Variants in FRAS1 observed in about 807,000 individuals in gnomAD.
The protein encoded by FRAS1 is Fraser extracellular matrix complex subunit 1.
FRAS1 carries 290 observed loss-of-function variants against 435.2 expected under a neutral mutation model. The observed-to-expected ratio is 0.67, with a 90% CI of 0.61 to 0.73. FRAS1 has a LOEUF of 0.73. FRAS1 is among the 30% of genes least tolerant of loss of function. The pLI, the probability that FRAS1 is intolerant of heterozygous loss-of-function variation, is 0.00. For synonymous variants in FRAS1, 1,800 were observed against 1,851.0 expected, an observed-to-expected ratio of 0.97 and a Z score of 0.71; for missense variants, 4,860 against 5,001.5, an observed-to-expected ratio of 0.97 and a Z score of 0.85.
intron 14 of FRAS1, among the ~76,000 whole-genome samples, chr4:78,295,172 T>G (rs1424002181): frequency 1.3e-5 from 2 of 152,256 alleles, no homozygotes; most frequent in Non-Finnish European, 2.9e-5. Flanking sequence ...TTGATATTTG[T>G]TCCCAATTTT....
intron 19 of FRAS1, 26 bp downstream of exon 19, chr4:78,333,438 A>G (rs1730024753): frequency 6.2e-7 from 1 of 1,602,466 alleles, no homozygotes; most frequent in Admixed American, 1.7e-5. Flanking sequence ...GCTGAGGCAC[A>G]TTGCCTATGA....
chr4:78,290,056 GGT>G (rs1354550411), intron 14 of FRAS1, among the ~76,000 whole-genome samples: 32 of 152,216 alleles, frequency 2.1e-4, no homozygotes, highest in African/African-American at 7.2e-4. Context: ...GTTCCACTCT[GGT>G]GGGACCACTG....
At chr4:78,446,930 G>A in intron 43 of FRAS1, 50 bp downstream of exon 43, 1 of 1,522,444 alleles carries the variant, frequency 6.6e-7, no homozygotes, top group Non-Finnish European at 8.9e-7. Context: ...TGCCCGATGG[G>A]CTGTTAGAAT....
chr4:78,500,911 T>TA (rs1423823458), intron 61 of FRAS1, among the ~76,000 whole-genome samples: 2 of 152,164 alleles, frequency 1.3e-5, no homozygotes, highest in Admixed American at 6.5e-5. Flanking sequence ...AAAGGGGCTT[T>TA]AACTTCAATG....
chr4:78,468,106 G>T (rs1276694200), intron 50 of FRAS1, among the ~76,000 whole-genome samples: 1 of 152,032 alleles, frequency 6.6e-6, no homozygotes, highest in Non-Finnish European at 1.5e-5. Flanking sequence ...TTTTCACTTT[G>T]GTTTCCTGTG....
At chr4:78,185,941 C>T (rs546709629) in intron 2 of FRAS1, among the ~76,000 whole-genome samples, 8 of 152,290 alleles carry the variant, frequency 5.3e-5, no homozygotes, top group South Asian at 2.1e-4. Context: ...CTGACCCTTT[C>T]CTATAAACCT....
intron 27 of FRAS1, among the ~76,000 whole-genome samples, chr4:78,381,530 T>A (rs985673521): frequency 6.6e-6 from 1 of 152,208 alleles, no homozygotes; most frequent in Non-Finnish European, 1.5e-5. Flanking sequence ...CTGCAAGTGA[T>A]CTGCCTGCCT....
chr4:78,261,567 C>T (rs889607586), intron 6 of FRAS1, among the ~76,000 whole-genome samples: 2 of 152,154 alleles, frequency 1.3e-5, no homozygotes, highest in African/African-American at 4.8e-5. Context: ...TCAGATCTTT[C>T]CCTAAAGCAG....
intron 2 of FRAS1, among the ~76,000 whole-genome samples, chr4:78,199,069 A>C (rs10034389): frequency 0.045 from 6,777 of 152,230 alleles, 494 homozygotes; most frequent in African/African-American, 0.15. Context: ...TTCGAGGGTC[A>C]AATGTGTATT....
At chr4:78,308,302 CT>C in intron 15 of FRAS1, 93 bp downstream of exon 15, 2 of 1,296,058 alleles carry the variant, frequency 1.5e-6, no homozygotes, top group Non-Finnish European at 2.1e-6. Context: ...ACCAATGTTT[CT>C]TTTACTCAAC....
intron 2 of FRAS1, among the ~76,000 whole-genome samples, chr4:78,236,471 A>C (rs1340537406): frequency 6.6e-6 from 1 of 152,090 alleles, no homozygotes; most frequent in East Asian, 1.9e-4. Flanking sequence ...CATGGACAGC[A>C]CTCTTCAAAA....
At chr4:78,200,928 A>G (rs1378836179) in intron 2 of FRAS1, among the ~76,000 whole-genome samples, 1 of 140,092 alleles carries the variant, frequency 7.1e-6, no homozygotes, top group African/African-American at 3.0e-5. Context: ...TGTTAAATAT[A>G]TATATTTATC....
At chr4:78,270,526 G>GCCCCCGCCCCCCGCC in intron 9 of FRAS1, among the ~76,000 whole-genome samples, 1 of 143,130 alleles carries the variant, frequency 7.0e-6, no homozygotes, top group African/African-American at 2.7e-5. Context: ...TTCAATACCA[G>GCCCCCGCCCCCCGCC]CCACCGCCCC....
chr4:78,147,251 A>C (rs1720456906), intron 2 of FRAS1, among the ~76,000 whole-genome samples: 1 of 152,196 alleles, frequency 6.6e-6, no homozygotes. Context: ...ACACTCTCTC[A>C]GATTCCCACT....
intron 2 of FRAS1, among the ~76,000 whole-genome samples, chr4:78,081,187 A>G (rs1265746842): frequency 1.3e-5 from 2 of 152,130 alleles, no homozygotes; most frequent in Non-Finnish European, 2.9e-5. Flanking sequence ...GTTCCCTGAG[A>G]GAAAAGTCCC....
intron 2 of FRAS1, among the ~76,000 whole-genome samples, chr4:78,234,360 G>A (rs537920145): frequency 6.8e-4 from 103 of 151,950 alleles, no homozygotes; most frequent in Non-Finnish European, 1.2e-3. Flanking sequence ...CGAGTAGCTG[G>A]GACTACAGGC....
At chr4:78,086,953 T>G (rs1014527153) in intron 2 of FRAS1, among the ~76,000 whole-genome samples, 24 of 152,234 alleles carry the variant, frequency 1.6e-4, no homozygotes, top group African/African-American at 5.3e-4. Context: ...TACCAAAGCC[T>G]GGCAGAGACA....
chr4:78,140,214 T>C (rs1419220125), intron 2 of FRAS1, among the ~76,000 whole-genome samples: 1 of 152,170 alleles, frequency 6.6e-6, no homozygotes, highest in Non-Finnish European at 1.5e-5. Context: ...CTTAAAAATA[T>C]ACCCAAGAGA....
intron 45 of FRAS1, among the ~76,000 whole-genome samples, chr4:78,451,397 A>G (rs775779362): frequency 2.8e-4 from 42 of 152,226 alleles, no homozygotes; most frequent in Admixed American, 7.8e-4. Flanking sequence ...TGTGATTCCA[A>G]TATATAATAG....
Sources: allele counts gnomAD v4.1 joint callset (sites outside exome capture counted in the v4.1 genomes callset), GRCh38; gene constraint gnomAD v4.1.1; transcripts MANE v1.5; gene names NCBI Gene and HGNC (gene_info 2026-07-23, HGNC 2026-07-21).